The following ANK1 variants were observed in gnomAD, a reference collection of about 807,000 sequenced individuals.
ANK1 encodes the protein ankyrin-1.
A neutral mutation model predicts 210.4 loss-of-function variants in ANK1; 51 were observed. The observed-to-expected ratio is 0.24, with a 90% CI of 0.19 to 0.31. The LOEUF (loss-of-function observed/expected upper bound fraction) is 0.31. Among genes scored for constraint, ANK1 ranks in the 10% least tolerant of loss-of-function variants. The pLI is 1.00. For missense variants in ANK1, 2,051 were observed against 2,504.4 expected (o/e 0.82, Z 3.86); for synonymous variants, 967 against 1,025.9 (o/e 0.94, Z 1.10).
chr8:41,796,653 G>A (rs1848783699), intron 1 of ANK1, among the ~76,000 whole-genome samples: 1 of 150,664 alleles, frequency 6.6e-6, no homozygotes. Flanking sequence ...TTTTAGACAA[G>A]CAGAAGACGA....
intron 32 of ANK1, 56 bp from the exon 33 acceptor site, chr8:41,690,402 G>T: frequency 3.1e-6 from 5 of 1,614,238 alleles, no homozygotes; most frequent in Non-Finnish European, 4.2e-6. Flanking sequence ...CCACCCGGCT[G>T]TCTGGTTTAG....
intron 10 of ANK1, among the ~76,000 whole-genome samples, chr8:41,718,719 G>A (rs923116636): frequency 1.3e-5 from 2 of 152,160 alleles, no homozygotes; most frequent in East Asian, 1.9e-4. Flanking sequence ...TCTCAAACAC[G>A]GGAGGTGGTG....
intron 24 of ANK1, 26 bp downstream of exon 24, chr8:41,698,017 G>A: frequency 6.2e-7 from 1 of 1,612,112 alleles, no homozygotes; most frequent in African/African-American, 1.3e-5. Context: ...TCCATGTGGG[G>A]AAACCACAGA....
At position 41,841,697 on chromosome 8, in the gene ANK1, G is replaced by GT. The variant is rs910752536; in HGVS notation, c.126+54657dup. On this transcript the variant is annotated intron_variant, in intron 1 of 42. Transcript: ENST00000265709. ...ATGTATACATCCAATACACACAGGG[G>GT]TTTTTTTTTGTATATCAATTACATA... is the stretch of plus-strand genomic sequence containing the variant. Among the ~76,000 whole-genome samples, 47 of 151,662 alleles carry GT rather than the reference G, an allele frequency of 3.1e-4. 1 individual carries two copies. Among genetic ancestry groups the GT allele is most frequent in the East Asian group, 1.7e-3 (9 of 5,172 alleles).
At chr8:41,754,058 A>C (rs778078116) in intron 2 of ANK1, among the ~76,000 whole-genome samples, 66 of 152,094 alleles carry the variant, frequency 4.3e-4, no homozygotes, top group Non-Finnish European at 9.1e-4. Context: ...CATGGTTCCT[A>C]ACATAGTTTT....
chr8:41,673,491 A>G (rs1055468626), intron 37 of ANK1, among the ~76,000 whole-genome samples: 1 of 152,178 alleles, frequency 6.6e-6, no homozygotes, highest in African/African-American at 2.4e-5. Flanking sequence ...CAAATGGGAA[A>G]CAACCTTCTG....
intron 1 of ANK1, among the ~76,000 whole-genome samples, chr8:41,862,881 A>G (rs1040676277): frequency 1.3e-5 from 2 of 152,092 alleles, no homozygotes; most frequent in African/African-American, 4.8e-5. Flanking sequence ...GGGTGGTGGC[A>G]TGCACCAATA....
In ANK1 at chr8:41,692,894, T is replaced by A; in HGVS notation, c.3630-18A>T. 6.2e-7 allele frequency: 1 copy of A among 1,609,702 alleles called. No individual in the cohort carries two copies. The highest frequency in any genetic ancestry group is 8.5e-7 in the Non-Finnish European group (1 of 1,176,458). On this transcript the variant is annotated intron_variant, in intron 30 of 42. Transcript: ENST00000289734. ...GCCAAAACCTAAAAAGTAGGGCGAG[T>A]TATGTGTTCCCAAGTGCCCAACAGA...
In ANK1 at chr8:41,836,925, A is replaced by G. The variant is rs571178617; in HGVS notation, c.126+59430T>C. 1.3e-3 allele frequency among the ~76,000 whole-genome samples: 147 copies of G among 116,476 alleles called. 1 individual carries two copies. The highest frequency in any genetic ancestry group is 0.012 in the South Asian group (53 of 4,244). The allele number at this position is 116,476 out of a possible 152,430, so 76.4% of individuals were successfully genotyped here. A position where few individuals can be genotyped will look rare whatever the true frequency, so the allele number is the denominator to read the frequency against. ...ACAGAGTAAGAAGCTATCTCTGGGG[A>G]AAAAAAAAAAAAAAACAAAAGGAGG... On this transcript the variant is annotated intron_variant, in intron 1 of 42. Transcript: ENST00000265709.
At chr8:41,807,252 T>C (rs182178215) in intron 1 of ANK1, among the ~76,000 whole-genome samples, 8 of 152,286 alleles carry the variant, frequency 5.3e-5, no homozygotes, top group Admixed American at 3.3e-4. Context: ...CCCATGTTAC[T>C]CATCAGATGA....
chr8:41,745,746 TGG>T (rs1835962415), intron 2 of ANK1, among the ~76,000 whole-genome samples: 1 of 152,198 alleles, frequency 6.6e-6, no homozygotes, highest in African/African-American at 2.4e-5. Flanking sequence ...TTGCCCAGGC[TGG>T]AGTACTATGG....
intron 31 of ANK1, 55 bp from the exon 32 acceptor site, chr8:41,690,654 C>G (rs1819026892): frequency 6.3e-7 from 1 of 1,593,960 alleles, no homozygotes; most frequent in Admixed American, 1.7e-5. Context: ...GCCCAGATGT[C>G]CCTCCTTCCA....
At chr8:41,770,621 G>A (rs1444727464) in intron 1 of ANK1, among the ~76,000 whole-genome samples, 4 of 152,224 alleles carry the variant, frequency 2.6e-5, no homozygotes, top group African/African-American at 9.6e-5. Context: ...GAAAGATGCT[G>A]AAGTATTATC....
At position 41,708,784 on chromosome 8, in the gene ANK1, C is replaced by A; in HGVS notation, c.1992G>T (p.Gly664=). ...LLSKQANGNL[G]NKSGLTPLHL... ...CCGAAGACACCATGCCTACCTTGTT[C>A]CCCAGGTTGCCATTGGCTTGTTTCG... The change falls in exon 17 of 43, where the codon GGG becomes GGT. Residue 664 remains glycine, a synonymous_variant. Transcript: ENST00000289734. The A allele has an allele frequency of 6.2e-7, 1 of 1,613,846 alleles. No homozygotes were observed.
intron 16 of ANK1, among the ~76,000 whole-genome samples, chr8:41,710,730 T>G (rs1244720140): frequency 1.3e-5 from 2 of 152,246 alleles, no homozygotes; most frequent in Non-Finnish European, 2.9e-5. Context: ...AGCATTCCTC[T>G]GGCTGAGGAC....
At chr8:41,725,623 T>C in intron 6 of ANK1, 138 bp downstream of exon 6, 1 of 1,218,034 alleles carries the variant, frequency 8.2e-7, no homozygotes, top group Non-Finnish European at 1.1e-6. Context: ...CTCTGCGTCC[T>C]GGGGTGAGGG....
At chr8:41,733,609 G>A (rs901823456) in intron 3 of ANK1, among the ~76,000 whole-genome samples, 8 of 152,266 alleles carry the variant, frequency 5.3e-5, no homozygotes, top group Admixed American at 1.3e-4. Flanking sequence ...CAAGTAACTC[G>A]TCCCAGGTCA....
At chr8:41,857,261 A>C (rs1812367857) in intron 1 of ANK1, among the ~76,000 whole-genome samples, 2 of 135,834 alleles carry the variant, frequency 1.5e-5, no homozygotes, top group Admixed American at 7.6e-5. Flanking sequence ...CCCCTCTTTG[A>C]CTCGTTTCTT....
rs1374970351 is a variant in ANK1 at position 41,704,885 on chromosome 8, G to A, written c.2098-413C>T. ...ATCCCAGGGGAGCTATTTCAAGAAG[G>A]AAGAAACAGCCTTCAGGCCTGGGAA... On this transcript the variant is annotated intron_variant, in intron 18 of 42. Coordinates refer to ENST00000289734, the MANE Select transcript of ANK1 (RefSeq NM_000037.4). The surrounding 1 kb of genome is among the most constrained non-coding windows in gnomAD (Gnocchi z 4.1). Among the ~76,000 whole-genome samples the A allele has an allele frequency of 6.6e-6, 1 of 152,144 alleles. No homozygotes were observed. Among genetic ancestry groups the A allele is most frequent in the Non-Finnish European group, 1.5e-5 (1 of 68,024 alleles).
Sources: gnomAD v4.1 joint callset for allele counts (sites outside exome capture counted in the v4.1 genomes callset) on GRCh38, gnomAD v4.1.1 for gene constraint, Gnocchi (gnomAD v3.1) non-coding constraint, MANE v1.5 for transcripts, NCBI Gene and HGNC (gene_info 2026-07-23, HGNC 2026-07-21) for gene names.